Variants in SETBP1 observed in about 807,000 individuals in gnomAD.
SETBP1 encodes SET-binding protein.
A neutral mutation model predicts 101.0 loss-of-function variants in SETBP1; 9 were observed. That is an observed-to-expected ratio of 0.09 (90% CI 0.05 to 0.16). The LOEUF is 0.16. Ranked by LOEUF, SETBP1 falls within the 10% of genes least tolerant of loss-of-function variation. SETBP1 has a pLI of 1.00. For synonymous variants in SETBP1, 818 were observed against 788.5 expected (o/e 1.04, Z -0.63); for missense variants, 1,858 against 2,033.8 (o/e 0.91, Z 1.66).
intron 2 of SETBP1, among the ~76,000 whole-genome samples, chr18:44,753,784 A>G (rs1599077197): frequency 6.6e-6 from 1 of 152,216 alleles, no homozygotes; most frequent in South Asian, 2.1e-4. Flanking sequence ...CAGCAGGGTG[A>G]GGGAGGAAGG....
At chr18:44,842,845 T>G (rs549551181) in intron 2 of SETBP1, among the ~76,000 whole-genome samples, 1 of 152,352 alleles carries the variant, frequency 6.6e-6, no homozygotes, top group East Asian at 1.9e-4. Context: ...CTGTTACAGA[T>G]GCAGCCCTGA....
At chr18:45,000,379 T>C (rs747689312) in intron 4 of SETBP1, among the ~76,000 whole-genome samples, 11 of 152,132 alleles carry the variant, frequency 7.2e-5, no homozygotes, top group African/African-American at 1.2e-4. Flanking sequence ...ACAGGGGCTA[T>C]AGTGAGCAGC....
chr18:44,878,776 C>T (rs1389494360), intron 3 of SETBP1, among the ~76,000 whole-genome samples: 1 of 152,140 alleles, frequency 6.6e-6, no homozygotes, highest in African/African-American at 2.4e-5. Flanking sequence ...CTACTCACCC[C>T]GTTTCCTACC....
intron 4 of SETBP1, among the ~76,000 whole-genome samples, chr18:44,975,750 G>A (rs2071971945): frequency 6.6e-6 from 1 of 152,146 alleles, no homozygotes; most frequent in African/African-American, 2.4e-5. Context: ...CAATTTATCT[G>A]ACTGCACAAC....
chr18:44,912,476 CT>C (rs1176417163), intron 3 of SETBP1, among the ~76,000 whole-genome samples: 1 of 152,044 alleles, frequency 6.6e-6, no homozygotes, highest in Non-Finnish European at 1.5e-5. Context: ...TTTAAGGAAA[CT>C]TTTTGTTTTT....
intron 3 of SETBP1, among the ~76,000 whole-genome samples, chr18:44,895,659 T>A (rs910242811): frequency 6.6e-5 from 10 of 152,074 alleles, no homozygotes; most frequent in Non-Finnish European, 1.5e-4. Flanking sequence ...AAGGTGGCAA[T>A]GGTGTTAGGA....
chr18:44,817,170 A>C (rs1221876050), intron 2 of SETBP1, among the ~76,000 whole-genome samples: 1 of 152,198 alleles, frequency 6.6e-6, no homozygotes. Context: ...GCATTTAATA[A>C]GAGACTTTAC....
chr18:44,808,985 AT>A (rs1168471202), intron 2 of SETBP1, among the ~76,000 whole-genome samples: 1 of 152,160 alleles, frequency 6.6e-6, no homozygotes, highest in Non-Finnish European at 1.5e-5. Flanking sequence ...TGTTTTAATC[AT>A]TGGCAGCAGA....
In SETBP1 at chr18:44,845,278, A is replaced by G. The variant is rs1321273480; in HGVS notation, c.487-23952A>G. Among the ~76,000 whole-genome samples the G allele has an allele frequency of 1.3e-4, 20 of 152,162 alleles. 1 individual carries two copies. In the South Asian group the frequency reaches 4.2e-3, roughly 32 times the overall value. On this transcript the variant is annotated intron_variant, in intron 2 of 5. Coordinates refer to ENST00000649279, the MANE Select transcript of SETBP1 (RefSeq NM_015559.3). ...CCTGTGTCATGGTTCTTCCACAGTA[A>G]CATCTCCTGGAATCTCAGGAACCAT...
chr18:45,030,991 T>C (rs1383299876), intron 4 of SETBP1, among the ~76,000 whole-genome samples: 1 of 151,812 alleles, frequency 6.6e-6, no homozygotes, highest in Non-Finnish European at 1.5e-5. Flanking sequence ...TTTTGAAGGG[T>C]TTTTTGTGTC....
intron 4 of SETBP1, among the ~76,000 whole-genome samples, chr18:44,969,664 C>T (rs2071798713): frequency 6.6e-6 from 1 of 152,168 alleles, no homozygotes; most frequent in Admixed American, 6.5e-5. Context: ...CCATCTGTCC[C>T]TCCTACACCA....
rs576682670 is a variant in SETBP1, at chr18:45,042,392, C to A, written c.4171+3737C>A. Among the ~76,000 whole-genome samples, 15 of 152,212 alleles carry A rather than the reference C, an allele frequency of 9.9e-5. No homozygotes were observed. The South Asian group carries it at 2.9e-3, about 29-fold the overall frequency. On this transcript the variant is annotated intron_variant, in intron 5 of 5. Coordinates refer to ENST00000649279, the MANE Select transcript of SETBP1 (RefSeq NM_015559.3). ...CTCGAACTCCTGACCTCAGGTGATCCGCCCACTTCGGCCTCCCAAAGTGCT... is the reference window on the plus strand; with the variant it reads ...CTCGAACTCCTGACCTCAGGTGATCAGCCCACTTCGGCCTCCCAAAGTGCT...
Position 44,952,601 on chromosome 18 carries a change from G to T in SETBP1, c.3261G>T (p.Arg1087Ser). 1 of 1,613,054 alleles carries T rather than the reference G, an allele frequency of 6.2e-7. No individual in the cohort carries two copies. The highest frequency in any genetic ancestry group is 1.1e-5 in the South Asian group (1 of 91,020). The change falls in exon 4 of 6, where the codon AGG (arginine) becomes AGT (serine). Residue 1087 changes from arginine to serine, a missense_variant. By Grantham distance (110) the Arg-to-Ser change is moderately radical (BLOSUM62 -1). Transcript: ENST00000649279. Reference sequence around the variant, plus strand: ...TTGGAGCAGCTTCCCCATTCATGAGGCCAACAGTGCCACCACCTCAGTTCC... The same window carrying T: ...TTGGAGCAGCTTCCCCATTCATGAGTCCAACAGTGCCACCACCTCAGTTCC... Reference protein sequence around the residue: ...HTLGAASPFMRPTVPPPQFHT... With the variant: ...HTLGAASPFMSPTVPPPQFHT...
At chr18:44,999,993 A>T (rs564656116) in intron 4 of SETBP1, among the ~76,000 whole-genome samples, 1 of 152,374 alleles carries the variant, frequency 6.6e-6, no homozygotes, top group South Asian at 2.1e-4. Context: ...TTTTAACCAC[A>T]GATTATTCTT....
At chr18:44,695,317 C>T (rs757411829) in intron 1 of SETBP1, among the ~76,000 whole-genome samples, 1 of 152,132 alleles carries the variant, frequency 6.6e-6, no homozygotes, top group African/African-American at 2.4e-5. Context: ...ATCTACAGAT[C>T]CAAAAGGCTC....
At chr18:44,920,910 G>T (rs2070566026) in intron 3 of SETBP1, among the ~76,000 whole-genome samples, 1 of 152,110 alleles carries the variant, frequency 6.6e-6, no homozygotes, top group African/African-American at 2.4e-5. Flanking sequence ...TTCAATTTTT[G>T]CCTTTGTTCT....
At chr18:44,847,951 A>T (rs1239657591) in intron 2 of SETBP1, among the ~76,000 whole-genome samples, 1 of 152,176 alleles carries the variant, frequency 6.6e-6, no homozygotes, top group African/African-American at 2.4e-5. Flanking sequence ...GAAAACAGCA[A>T]GTACAAGAGC....
Position 44,762,111 on chromosome 18 carries a change from T to C in SETBP1, c.486+60279T>C, listed in dbSNP as rs184538684. ...AAGGTTTACCTCTCCCTTTGGCCAA[T>C]TGACAGTTCTACCAAGCTTCTAAAC... On this transcript the variant is annotated intron_variant, in intron 2 of 5. Coordinates refer to ENST00000649279, the MANE Select transcript of SETBP1 (RefSeq NM_015559.3). 6.3e-4 allele frequency among the ~76,000 whole-genome samples: 95 copies of C among 151,806 alleles called. 1 individual carries two copies. The highest frequency in any genetic ancestry group is 2.2e-3 in the African/African-American group (91 of 41,400).
At chr18:44,808,999 C>A (rs548358930) in intron 2 of SETBP1, among the ~76,000 whole-genome samples, 1 of 152,272 alleles carries the variant, frequency 6.6e-6, no homozygotes, top group East Asian at 1.9e-4. Flanking sequence ...GCAGCAGAAT[C>A]CTGAAAGGTA....
Sources: allele counts gnomAD v4.1 joint callset (sites outside exome capture counted in the v4.1 genomes callset), GRCh38; gene constraint gnomAD v4.1.1; transcripts MANE v1.5; gene names NCBI Gene and HGNC (gene_info 2026-07-23, HGNC 2026-07-21).